The following TDP2 variants were observed in gnomAD, a reference collection of about 807,000 sequenced individuals.
TDP2 encodes 5'-Tyr-DNA phosphodiesterase.
Under a neutral mutation model 42.8 loss-of-function variants are expected in TDP2, and 38 were observed. The ratio of observed to expected loss-of-function variants is 0.89; its 90% CI spans 0.68 to 1.16. The LOEUF is 1.16. TDP2 is among the 50% of genes most tolerant of loss of function. The pLI is 0.00. For synonymous variants in TDP2, 173 were observed against 150.6 expected, an observed-to-expected ratio of 1.15 and a Z score of -1.09; for missense variants, 439 against 439.3, an observed-to-expected ratio of 1.00 and a Z score of 0.01.
chr6:24,664,792 C>A (rs566692783), intron 2 of TDP2, among the ~76,000 whole-genome samples: 1 of 152,292 alleles, frequency 6.6e-6, no homozygotes, highest in South Asian at 2.1e-4. Flanking sequence ...ACTTTAAAAC[C>A]TCACTCTCAT....
In TDP2 at chr6:24,655,090, A is replaced by T. The variant is rs902468046; in HGVS notation, c.518-560T>A. On this transcript the variant is annotated intron_variant, in intron 4 of 6. Coordinates refer to ENST00000378198, the MANE Select transcript of TDP2 (RefSeq NM_016614.3). ...AAAAAATGTAAACAAGTGCCAAAAA[A>T]TAATGCTGCCAATATCAGATGAGAA... is the stretch of plus-strand genomic sequence containing the variant. Among the ~76,000 whole-genome samples, 65 of 152,372 alleles carry T rather than the reference A, an allele frequency of 4.3e-4. No homozygotes were observed. In the East Asian group the frequency reaches 0.011, roughly 26 times the overall value.
At chr6:24,663,705 C>T (rs1778189760) in intron 2 of TDP2, among the ~76,000 whole-genome samples, 1 of 152,156 alleles carries the variant, frequency 6.6e-6, no homozygotes, top group African/African-American at 2.4e-5. Context: ...TACCTGGGCT[C>T]CCCTTTCCCT....
intron 2 of TDP2, chr6:24,666,136 C>T (rs1473000608): frequency 6.5e-7 from 1 of 1,548,920 alleles, no homozygotes; most frequent in Admixed American, 2.0e-5. Context: ...TCTGGCCGGT[C>T]AGCCTAGGGC....
At position 24,658,788 on chromosome 6, in the gene TDP2, GAATT is replaced by G. The variant is rs772225252; in HGVS notation, c.252-58_252-55del. On this transcript the variant is annotated intron_variant, in intron 2 of 6. Coordinates refer to ENST00000378198, the MANE Select transcript of TDP2 (RefSeq NM_016614.3). ...TGCAAATAATCTATAAATTGATTAAGAATTATTTTGTATTTGTAGCCCTCATTTT... is the reference window on the plus strand; with the variant it reads ...TGCAAATAATCTATAAATTGATTAAGATTTTGTATTTGTAGCCCTCATTTT... 2.0e-5 allele frequency: 30 copies of G among 1,530,794 alleles called. No individual in the cohort carries two copies. In the African/African-American group the frequency reaches 2.8e-4, roughly 14 times the overall value. The allele number at this position is 1,530,794 out of a possible 1,614,324, so 94.8% of individuals were successfully genotyped here.
chr6:24,657,570 T>A (rs16889592), intron 4 of TDP2, among the ~76,000 whole-genome samples: 11,664 of 152,244 alleles, frequency 0.077, 1,320 homozygotes, highest in East Asian at 0.45. Context: ...AGGTGTTGTT[T>A]CTCAAATTTT....
Position 24,666,765 on chromosome 6 carries a change from G to A in TDP2, c.98C>T (p.Ala33Val). 1 of 1,614,222 alleles carries A rather than the reference G, an allele frequency of 6.2e-7. No individual in the cohort carries two copies. Among genetic ancestry groups the A allele is most frequent in the Admixed American group, 1.7e-5 (1 of 60,028 alleles). ...KKRRLLCVEF[A>V]SVASCDAAVA... ...TGCGGCATCGCAGCTTGCGACCGAGGCAAACTCCACACACAGAAGTCGCCG... is the reference window on the plus strand; with the variant it reads ...TGCGGCATCGCAGCTTGCGACCGAGACAAACTCCACACACAGAAGTCGCCG... Residue 33 changes from alanine to valine, a missense_variant, in exon 1 of 7, where the codon GCC (alanine) becomes GTC (valine). By Grantham distance (64) the Ala-to-Val change is moderately conservative. Coordinates refer to ENST00000378198, the MANE Select transcript of TDP2 (RefSeq NM_016614.3).
chr6:24,666,825 GCCTCCCTC>G lies in TDP2; in HGVS notation c.30_37del (p.Arg11GlyfsTer8). On this transcript the variant is annotated frameshift_variant, in exon 1 of 7. Transcript: ENST00000378198. LOFTEE classifies it high-confidence loss of function. ...CTCAGGCTCGCCCTCTTCCTCCGCCGCCTCCCTCCCGCCCTCCAGGCAACTCCCCAACT... is the reference window on the plus strand; with the variant it reads ...CTCAGGCTCGCCCTCTTCCTCCGCCGCCGCCCTCCAGGCAACTCCCCAACT... 2.5e-6 allele frequency: 4 copies of G among 1,614,028 alleles called. No individual in the cohort carries two copies. The highest frequency in any genetic ancestry group is 3.4e-6 in the Non-Finnish European group (4 of 1,180,012).
chr6:24,657,431 G>C (rs913162366), intron 4 of TDP2, among the ~76,000 whole-genome samples: 3 of 151,844 alleles, frequency 2.0e-5, no homozygotes, highest in African/African-American at 7.3e-5. Flanking sequence ...AAATTACTCA[G>C]GGCAAAAAAA....
chr6:24,651,828 C>G (rs1777980846), intron 6 of TDP2, among the ~76,000 whole-genome samples: 2 of 152,220 alleles, frequency 1.3e-5, no homozygotes, highest in Admixed American at 6.5e-5. Flanking sequence ...CTCAAGTGAT[C>G]TGCCCACCTC....
At chr6:24,655,705 A>G (rs1371661305) in intron 4 of TDP2, among the ~76,000 whole-genome samples, 1 of 152,148 alleles carries the variant, frequency 6.6e-6, no homozygotes, top group Non-Finnish European at 1.5e-5. Context: ...AAGTGTGCCT[A>G]CTCAGCTCCC....
intron 5 of TDP2, 80 bp from the exon 6 acceptor site, chr6:24,653,233 C>T: frequency 4.3e-6 from 6 of 1,398,558 alleles, no homozygotes; most frequent in Non-Finnish European, 5.0e-6. Flanking sequence ...GCAGATTGTT[C>T]TGTCAAATGG....
intron 2 of TDP2, among the ~76,000 whole-genome samples, chr6:24,664,470 T>C (rs367970445): frequency 1.3e-5 from 2 of 152,064 alleles, no homozygotes; most frequent in Non-Finnish European, 2.9e-5. Flanking sequence ...TAAGAGGATT[T>C]CCCTTGTCTC....
chr6:24,651,124 TAA>T (rs11370284), intron 6 of TDP2, 55 bp from the exon 7 acceptor site: 47,482 of 965,826 alleles, frequency 0.049, 3 homozygotes, highest in East Asian at 0.12. Flanking sequence ...CCCACTAACT[TAA>T]AAAAAAAAAA....
intron 2 of TDP2, among the ~76,000 whole-genome samples, chr6:24,660,999 C>G (rs1160949866): frequency 6.6e-6 from 1 of 152,302 alleles, no homozygotes; most frequent in East Asian, 1.9e-4. Flanking sequence ...GTGATGTTAG[C>G]TTTGATCACT....
chr6:24,654,566 A>C (rs1778030067), intron 4 of TDP2, 36 bp from the exon 5 acceptor site: 3 of 1,137,012 alleles, frequency 2.6e-6, no homozygotes, highest in East Asian at 4.8e-5. Flanking sequence ...TAGGCTGAGA[A>C]GGTGAGAGTT....
chr6:24,654,539 G>C lies in TDP2; in HGVS notation c.518-9C>G. ...ATATCCTTCTTCATGACCTACAAATGTTTGTGGAAAAGAATTTAGGCTGAG... is the reference window on the plus strand; with the variant it reads ...ATATCCTTCTTCATGACCTACAAATCTTTGTGGAAAAGAATTTAGGCTGAG... On this transcript the variant is annotated splice_polypyrimidine_tract_variant and intron_variant, in intron 4 of 6. Coordinates refer to ENST00000378198, the MANE Select transcript of TDP2 (RefSeq NM_016614.3). 7.1e-7 allele frequency: 1 copy of C among 1,404,136 alleles called. No homozygotes were observed. The highest frequency in any genetic ancestry group is 1.0e-6 in the Non-Finnish European group (1 of 1,004,182). 87.0% of individuals were successfully genotyped at this position (1,404,136 alleles called of 1,614,324 possible). A position where few individuals can be genotyped will look rare whatever the true frequency, so the allele number is the denominator to read the frequency against.
At chr6:24,666,309 C>A in intron 2 of TDP2, 1 of 1,526,438 alleles carries the variant, frequency 6.6e-7, no homozygotes. Context: ...GACCCCAAAT[C>A]ACGTTCGAAG....
In TDP2 at chr6:24,666,874, C is replaced by T. The variant is rs2127619598; in HGVS notation, c.-12G>A. 3.1e-6 allele frequency: 5 copies of T among 1,612,988 alleles called. No individual in the cohort carries two copies. The highest frequency in any genetic ancestry group is 4.5e-5 in the East Asian group (2 of 44,884). On this transcript the variant is annotated 5_prime_UTR_variant, in exon 1 of 7. Coordinates refer to ENST00000378198, the MANE Select transcript of TDP2 (RefSeq NM_016614.3). ...CTCCCCAACTCCATCTTCCTGCCGC[C>T]TCTGCACCGCCCCTTTAAGCGGAAC... is the stretch of plus-strand genomic sequence containing the variant.
intron 2 of TDP2, 28 bp downstream of exon 2, chr6:24,666,498 A>C (rs149428824): frequency 5.0e-6 from 8 of 1,608,456 alleles, no homozygotes; most frequent in African/African-American, 4.0e-5. Flanking sequence ...CTCCGTGCGG[A>C]CTGGCTCCCG....
Sources: allele counts gnomAD v4.1 joint callset (sites outside exome capture counted in the v4.1 genomes callset), GRCh38; gene constraint gnomAD v4.1.1; transcripts MANE v1.5; gene names NCBI Gene and HGNC (gene_info 2026-07-23, HGNC 2026-07-21).